PRSS3: variants seen among roughly 807,000 people sequenced by gnomAD.
PRSS3 encodes the protein trypsin-3.
PRSS3 carries 14 observed loss-of-function variants against 20.8 expected under a neutral mutation model. The observed-to-expected ratio is 0.67, with a 90% CI of 0.44 to 1.05. The LOEUF (loss-of-function observed/expected upper bound fraction) is 1.05, where lower values mean the gene tolerates loss of function less well. Among genes scored for constraint, PRSS3 ranks in the 50% least tolerant of loss-of-function variants. The pLI, the probability that PRSS3 is intolerant of heterozygous loss-of-function variation, is 0.00. For missense variants in PRSS3, 237 were observed against 306.4 expected (o/e 0.77, Z 1.69); for synonymous variants, 91 against 117.6 (o/e 0.77, Z 1.46).
rs1425810140 is a variant in PRSS3, at chr9:33,750,952, G to T, written c.-53+225G>T. On this transcript the variant is annotated intron_variant, in intron 1 of 5. Coordinates refer to the PRSS3 transcript ENST00000342836. The surrounding 1 kb of genome is among the most constrained non-coding windows in gnomAD (Gnocchi z 4.8). ...GGAGGGGATGGAGGGCCCTGGTGTC[G>T]CAGAAGCCCACCTGGGGCCCCCTCC... 8.9e-7 allele frequency: 1 copy of T among 1,129,512 alleles called. No homozygotes were observed. Among genetic ancestry groups the T allele is most frequent in the Non-Finnish European group, 1.1e-6 (1 of 876,252 alleles). 70.0% of individuals were successfully genotyped at this position (1,129,512 alleles called of 1,614,324 possible). A position where few individuals can be genotyped will look rare whatever the true frequency, so the allele number is the denominator to read the frequency against.
intron 1 of PRSS3, among the ~76,000 whole-genome samples, chr9:33,766,730 G>A (rs1055873596): frequency 7.2e-5 from 11 of 152,052 alleles, no homozygotes; most frequent in African/African-American, 1.7e-4. Context: ...CCACAGAGAC[G>A]GAAAGCGTAT....
intron 1 of PRSS3, among the ~76,000 whole-genome samples, chr9:33,754,016 T>G (rs1374404187): frequency 6.6e-6 from 1 of 151,798 alleles, no homozygotes. Flanking sequence ...TCCAGAAGAG[T>G]CTTGTCTTGT....
chr9:33,765,800 C>A lies in PRSS3; in HGVS notation c.-53+15073C>A, dbSNP rs147561956. On this transcript the variant is annotated intron_variant, in intron 1 of 5. Transcript: ENST00000342836. ...GTAACTGAAACTGCAGAAAGCAAAT[C>A]CATGGATAAGGGGAGACTACTGCAT... is the stretch of plus-strand genomic sequence containing the variant. 7.1e-3 allele frequency among the ~76,000 whole-genome samples: 1,075 copies of A among 152,284 alleles called. 17 individuals are homozygous for A. Among genetic ancestry groups the A allele is most frequent in the African/African-American group, 0.024 (1,001 of 41,550 alleles).
chr9:33,777,906 C>T (rs780399635), intron 1 of PRSS3, among the ~76,000 whole-genome samples: 3 of 152,008 alleles, frequency 2.0e-5, no homozygotes, highest in Non-Finnish European at 4.4e-5. Context: ...TTAAATGTAT[C>T]ATTCTTTATT....
upstream of PRSS3, among the ~76,000 whole-genome samples, chr9:33,794,307 T>C (rs1019879608): frequency 6.6e-6 from 1 of 152,128 alleles, no homozygotes; most frequent in African/African-American, 2.4e-5. Flanking sequence ...GAGCTCAGAG[T>C]TGCTGAGAAG....
intron 1 of PRSS3, among the ~76,000 whole-genome samples, chr9:33,796,344 A>G (rs1229766398): frequency 2.0e-5 from 3 of 152,210 alleles, no homozygotes; most frequent in Non-Finnish European, 4.4e-5. Flanking sequence ...AGTGGGTGAG[A>G]CAACAACATA....
At chr9:33,764,514 C>G (rs2380863) in intron 1 of PRSS3, among the ~76,000 whole-genome samples, 22,792 of 152,070 alleles carry the variant, frequency 0.15, 2,006 homozygotes, top group African/African-American at 0.23. Flanking sequence ...GCCTGGGAGA[C>G]GAGCAAAATT....
At chr9:33,783,920 G>A (rs181466972) in intron 1 of PRSS3, among the ~76,000 whole-genome samples, 28 of 151,192 alleles carry the variant, frequency 1.9e-4, no homozygotes, top group Admixed American at 1.2e-3. Flanking sequence ...AGGAGGAGGA[G>A]TCAGATTTAC....
At chr9:33,794,177 C>G, upstream of PRSS3, among the ~76,000 whole-genome samples, 1 of 124,776 alleles carries the variant, frequency 8.0e-6, no homozygotes, top group East Asian at 2.1e-4. Context: ...CATGTCCGAT[C>G]TCAACACGAA....
At chr9:33,783,198 T>C (rs1286272307) in intron 1 of PRSS3, among the ~76,000 whole-genome samples, 1 of 152,210 alleles carries the variant, frequency 6.6e-6, no homozygotes, top group Non-Finnish European at 1.5e-5. Flanking sequence ...TGGTTGCCTC[T>C]AAGGGGTTAG....
At chr9:33,779,012 T>G (rs1227212629) in intron 1 of PRSS3, among the ~76,000 whole-genome samples, 1 of 152,206 alleles carries the variant, frequency 6.6e-6, no homozygotes, top group African/African-American at 2.4e-5. Flanking sequence ...TGAAACCAGG[T>G]GCAAGAATTC....
At chr9:33,788,175 C>T (rs888456803) in intron 1 of PRSS3, among the ~76,000 whole-genome samples, 17 of 152,204 alleles carry the variant, frequency 1.1e-4, no homozygotes, top group African/African-American at 3.6e-4. Context: ...ATTCCCAGAA[C>T]ATTGTACAGT....
intron 1 of PRSS3, among the ~76,000 whole-genome samples, chr9:33,754,469 A>G (rs1822849911): frequency 6.6e-6 from 1 of 152,052 alleles, no homozygotes; most frequent in Admixed American, 6.6e-5. Context: ...TCACATACAC[A>G]CTATTAAAGG....
intron 1 of PRSS3, among the ~76,000 whole-genome samples, chr9:33,763,698 C>CA (rs370849434): frequency 0.4 from 31,061 of 78,496 alleles, 5,676 homozygotes; most frequent in East Asian, 0.62. Flanking sequence ...GACTCTGTCT[C>CA]AAAAAAAAAA....
chr9:33,797,489 A>C (rs1825033140), intron 2 of PRSS3, among the ~76,000 whole-genome samples: 1 of 152,246 alleles, frequency 6.6e-6, no homozygotes, highest in Admixed American at 6.5e-5. Context: ...CCTGGGGTGA[A>C]GAATGCTGGG....
At chr9:33,754,546 T>G (rs1236744982) in intron 1 of PRSS3, among the ~76,000 whole-genome samples, 2 of 152,014 alleles carry the variant, frequency 1.3e-5, no homozygotes, top group Non-Finnish European at 2.9e-5. Flanking sequence ...GTAAGAATTT[T>G]GGGCCAGGCA....
At chr9:33,797,777 G>A in intron 2 of PRSS3, 52 bp from the exon 3 acceptor site, 1 of 1,614,164 alleles carries the variant, frequency 6.2e-7, no homozygotes, top group Non-Finnish European at 8.5e-7. Flanking sequence ...AAGGTGGGAG[G>A]GGTGCCCAGG....
At chr9:33,766,638 G>A (rs1157690666) in intron 1 of PRSS3, among the ~76,000 whole-genome samples, 2 of 152,088 alleles carry the variant, frequency 1.3e-5, no homozygotes, top group African/African-American at 2.4e-5. Context: ...TACCATGAAT[G>A]AATCTTGAAA....
chr9:33,760,181 G>GTT (rs57890145), intron 1 of PRSS3, among the ~76,000 whole-genome samples: 4 of 139,444 alleles, frequency 2.9e-5, no homozygotes, highest in Non-Finnish European at 3.1e-5. Context: ...TATATGTAAG[G>GTT]TTTTTTTTTT....
Sources: gnomAD v4.1 joint callset for allele counts (sites outside exome capture counted in the v4.1 genomes callset) on GRCh38, gnomAD v4.1.1 for gene constraint, Gnocchi (gnomAD v3.1) non-coding constraint, MANE v1.5 for transcripts, NCBI Gene and HGNC (gene_info 2026-07-23, HGNC 2026-07-21) for gene names.